The following IL17D variants were observed in gnomAD, a reference collection of about 807,000 sequenced individuals.
IL17D encodes interleukin-17D.
A neutral mutation model predicts 5.7 loss-of-function variants in IL17D; 10 were observed. That is an observed-to-expected ratio of 1.75 (90% CI 1.08 to 2.97). The LOEUF is 2.97. Among genes scored for constraint, IL17D ranks in the 30% most tolerant of loss-of-function variants. IL17D has a pLI of 0.00. For missense variants in IL17D, 354 were observed against 292.7 expected (o/e 1.21, Z -1.53); for synonymous variants, 172 against 141.7 (o/e 1.21, Z -1.52).
At chr13:20,703,164 C>A (rs1594993801), upstream of IL17D, 3 of 466,674 alleles carry the variant, frequency 6.4e-6, no homozygotes, top group Non-Finnish European at 8.4e-6. Flanking sequence ...AGGCCCTGAG[C>A]GCGCGACCCC....
At position 20,703,751 on chromosome 13, in the gene IL17D, G is replaced by A. The variant is rs956701970; in HGVS notation, c.-251G>A. The A allele has an allele frequency of 1.4e-5, 2 of 146,298 alleles. No individual in the cohort carries two copies. The highest frequency in any genetic ancestry group is 3.0e-5 in the Non-Finnish European group (2 of 66,290). 9.1% of individuals were successfully genotyped at this position (146,298 alleles called of 1,614,324 possible). On this transcript the variant is annotated 5_prime_UTR_variant, in exon 1 of 2. Coordinates refer to ENST00000682841, the MANE Select transcript of IL17D (RefSeq NM_001385224.1). ...CGGCCCCCGGCTCGGGGCGGCGGCG[G>A]CGGCGGGGGCCGGGGGCGCGCGGGC...
chr13:20,703,739 G>C lies in IL17D; in HGVS notation c.-263G>C, dbSNP rs1030713193. On this transcript the variant is annotated 5_prime_UTR_variant, in exon 1 of 2. Transcript: ENST00000682841. ...CCGCCCCCCGTGCGGCCCCCGGCTC[G>C]GGGCGGCGGCGGCGGCGGGGGCCGG... The C allele has an allele frequency of 6.8e-6, 1 of 146,364 alleles. No homozygotes were observed. Among genetic ancestry groups the C allele is most frequent in the African/African-American group, 2.5e-5 (1 of 40,686 alleles). The allele number at this position is 146,364 out of a possible 1,614,324, so 9.1% of individuals were successfully genotyped here.
chr13:20,707,129 A>G (rs528424611), intron 1 of IL17D, among the ~76,000 whole-genome samples: 13 of 152,148 alleles, frequency 8.5e-5, no homozygotes, highest in Admixed American at 8.5e-4. Context: ...CCTCCCTCCA[A>G]TCACCTCTCA....
chr13:20,718,091 C>T (rs2058692032), intron 1 of IL17D, among the ~76,000 whole-genome samples: 1 of 152,142 alleles, frequency 6.6e-6, no homozygotes, highest in Non-Finnish European at 1.5e-5. Context: ...ACTGAGTCCA[C>T]AGAGGAATGC....
At chr13:20,718,964 C>G (rs2058709494) in intron 1 of IL17D, among the ~76,000 whole-genome samples, 1 of 148,382 alleles carries the variant, frequency 6.7e-6, no homozygotes, top group African/African-American at 2.5e-5. Flanking sequence ...ACACACCTGC[C>G]CACGCTCAGA....
At chr13:20,717,224 A>G (rs1428450638) in intron 1 of IL17D, 1 of 152,208 alleles carries the variant, frequency 6.6e-6, no homozygotes, top group Admixed American at 6.5e-5. Flanking sequence ...CGATCCCATC[A>G]GAGGGGAAAA....
Position 20,721,704 on chromosome 13 carries a change from T to A in IL17D, c.359T>A (p.Leu120Gln), listed in dbSNP as rs2058737019. 6.2e-7 allele frequency: 1 copy of A among 1,611,236 alleles called. No individual in the cohort carries two copies. Among genetic ancestry groups the A allele is most frequent in the Non-Finnish European group, 8.5e-7 (1 of 1,179,224 alleles). Residue 120 changes from leucine (L) to glutamine (Q), a missense_variant, in exon 2 of 2, where the codon CTG (leucine) becomes CAG (glutamine). By Grantham distance (113) the Leu-to-Gln change is moderately radical. Transcript: ENST00000682841. Reference protein sequence around the residue: ...PEAYCLCRGCLTGLFGEEDVR... With the variant: ...PEAYCLCRGCQTGLFGEEDVR... ...GCCTACTGCCTGTGCCGGGGCTGCC[T>A]GACCGGGCTGTTCGGCGAGGAGGAC...
At position 20,703,775 on chromosome 13, in the gene IL17D, G is replaced by T. The variant is rs2058563407; in HGVS notation, c.-227G>T. On this transcript the variant is annotated 5_prime_UTR_variant, in exon 1 of 2. Transcript: ENST00000682841. ...GGCGGCGGGGGCCGGGGGCGCGCGG[G>T]CCGGCGCCGGGCTGGGCCCCGGGGA... 1 of 147,278 alleles carries T rather than the reference G, an allele frequency of 6.8e-6. No individual in the cohort carries two copies. The highest frequency in any genetic ancestry group is 2.1e-4 in the South Asian group (1 of 4,824). The allele number at this position is 147,278 out of a possible 1,614,324, so 9.1% of individuals were successfully genotyped here.
chr13:20,706,222 G>A (rs886672013), intron 1 of IL17D, among the ~76,000 whole-genome samples: 3 of 152,202 alleles, frequency 2.0e-5, no homozygotes, highest in Non-Finnish European at 2.9e-5. Flanking sequence ...ATTCATTCTG[G>A]TATCTTGGTG....
intron 1 of IL17D, among the ~76,000 whole-genome samples, chr13:20,717,737 T>G (rs1323202891): frequency 6.6e-6 from 1 of 152,150 alleles, no homozygotes; most frequent in Non-Finnish European, 1.5e-5. Context: ...TGATCTCCCA[T>G]GGCCCACGCA....
chr13:20,705,492 C>T (rs750568004), intron 1 of IL17D, among the ~76,000 whole-genome samples: 4 of 152,070 alleles, frequency 2.6e-5, no homozygotes, highest in Non-Finnish European at 4.4e-5. Context: ...TCCAGGAGTT[C>T]GAGACCAGCC....
In IL17D at chr13:20,716,694, C is replaced by T. The variant is rs980194198; in HGVS notation, c.291-4942C>T. Among the ~76,000 whole-genome samples, 18 of 152,338 alleles carry T rather than the reference C, an allele frequency of 1.2e-4. No individual in the cohort carries two copies. The highest frequency in any genetic ancestry group is 4.1e-4 in the African/African-American group (17 of 41,578). ...CTGCTGGGTTGAACTCATTGACCTT[C>T]GGATCTGGCGAGCCACGCTACCGAG... On this transcript the variant is annotated intron_variant, in intron 1 of 1. Coordinates refer to ENST00000682841, the MANE Select transcript of IL17D (RefSeq NM_001385224.1). The surrounding 1 kb of genome is among the most constrained non-coding windows in gnomAD (Gnocchi z 4.2).
intron 1 of IL17D, among the ~76,000 whole-genome samples, chr13:20,720,873 A>ACCCCCCCCCC (rs1566522176): frequency 8.3e-5 from 3 of 36,140 alleles, no homozygotes; most frequent in Admixed American, 2.7e-4. Context: ...CCTCCCTCCC[A>ACCCCCCCCCC]ACCCCCCCCC....
chr13:20,714,411 G>C (rs2058663269), intron 1 of IL17D, among the ~76,000 whole-genome samples: 1 of 152,210 alleles, frequency 6.6e-6, no homozygotes, highest in African/African-American at 2.4e-5. Flanking sequence ...CTTGGCTGTG[G>C]GGGGCAGTGC....
upstream of IL17D, chr13:20,703,485 G>A (rs1310157497): frequency 6.3e-6 from 6 of 945,932 alleles, no homozygotes; most frequent in Non-Finnish European, 7.6e-6. Flanking sequence ...CGGAAAAGCG[G>A]GCCGCGGACC....
chr13:20,708,978 AG>A (rs373081665), intron 1 of IL17D, among the ~76,000 whole-genome samples: 39,283 of 129,392 alleles, frequency 0.3, 7,515 homozygotes, highest in Non-Finnish European at 0.43. Context: ...AAAAAAAAAA[AG>A]AAAGAAAGAA....
intron 1 of IL17D, among the ~76,000 whole-genome samples, chr13:20,720,874 A>ACCCCCCCCCCCCCCC (rs67735251): frequency 8.6e-4 from 65 of 75,716 alleles, no homozygotes; most frequent in Admixed American, 1.3e-3. Flanking sequence ...CTCCCTCCCA[A>ACCCCCCCCCCCCCCC]CCCCCCCCCC....
At chr13:20,711,546 A>C (rs926404503) in intron 1 of IL17D, among the ~76,000 whole-genome samples, 1 of 152,176 alleles carries the variant, frequency 6.6e-6, no homozygotes, top group African/African-American at 2.4e-5. Context: ...AGACCATAGC[A>C]GAGAGTAAAG....
rs1214289205 is a variant in IL17D, at chr13:20,722,032, G to A, written c.*78G>A. 4 of 1,264,838 alleles carry A rather than the reference G, an allele frequency of 3.2e-6. No individual in the cohort carries two copies. In the Admixed American group the frequency reaches 8.1e-5, roughly 26 times the overall value. The allele number at this position is 1,264,838 out of a possible 1,614,324, so 78.4% of individuals were successfully genotyped here. A position where few individuals can be genotyped will look rare whatever the true frequency, so the allele number is the denominator to read the frequency against. On this transcript the variant is annotated 3_prime_UTR_variant, in exon 2 of 2. Coordinates refer to ENST00000682841, the MANE Select transcript of IL17D (RefSeq NM_001385224.1). ...CTGGAGCCGCCTGGAGGGCTCGGTC[G>A]GCGACCTCTGAAGAGAGTGCACCGA...
Sources: gnomAD v4.1 joint callset for allele counts (sites outside exome capture counted in the v4.1 genomes callset) on GRCh38, gnomAD v4.1.1 for gene constraint, Gnocchi (gnomAD v3.1) non-coding constraint, MANE v1.5 for transcripts, NCBI Gene and HGNC (gene_info 2026-07-23, HGNC 2026-07-21) for gene names.